Variants in RET observed in about 807,000 individuals in gnomAD.
RET encodes the protein ret proto-oncogene.
Under a neutral mutation model 118.3 loss-of-function variants are expected in RET, and 19 were observed. That is an observed-to-expected ratio of 0.16 (90% CI 0.11 to 0.24). The LOEUF is 0.24. RET is among the 10% of genes least tolerant of loss of function. RET has a pLI of 1.00. For synonymous variants in RET, 597 were observed against 644.1 expected, an observed-to-expected ratio of 0.93 and a Z score of 1.11; for missense variants, 1,219 against 1,502.1, an observed-to-expected ratio of 0.81 and a Z score of 3.12.
At chr10:43,112,338 G>C in intron 8 of RET, 114 bp downstream of exon 8, 1 of 1,465,388 alleles carries the variant, frequency 6.8e-7, no homozygotes, top group Non-Finnish European at 9.3e-7. Context: ...TCTGCTTCTG[G>C]CACCTCATCC....
rs780630024 is a variant in RET at position 43,111,237 on chromosome 10, G to A, written c.1294G>A (p.Ala432Thr). ...IGKVCVENCQ[A>T]FSGINVQYKL... ...GAAAGTCTGTGTGGAAAACTGCCAG[G>A]CATTCAGTGGCATCAACGTCCAGTA... Residue 432 changes from alanine (A) to threonine (T), a missense_variant, in exon 7 of 20, where the codon GCA becomes ACA. This residue lies in a region of RET where 850 missense variants were observed against 969.6 expected (regional missense o/e 0.88). Transcript: ENST00000355710. The A allele has an allele frequency of 2.9e-5, 47 of 1,614,112 alleles. No homozygotes were observed. The highest frequency in any genetic ancestry group is 4.0e-5 in the Non-Finnish European group (47 of 1,180,026).
chr10:43,118,344 T>C, intron 12 of RET, 29 bp from the exon 13 acceptor site: 1 of 1,588,560 alleles, frequency 6.3e-7, no homozygotes, highest in Non-Finnish European at 8.6e-7. Context: ...GGAGCGATCG[T>C]TTGCAACCTG....
chr10:43,086,094 C>T (rs1023440165), intron 1 of RET, among the ~76,000 whole-genome samples: 4 of 152,240 alleles, frequency 2.6e-5, no homozygotes, highest in Non-Finnish European at 5.9e-5. Flanking sequence ...GGCTTCTCTG[C>T]ATGCCTGTCA....
Position 43,126,578 on chromosome 10 carries a change from T to C in RET, c.3043T>C (p.Tyr1015His), listed in dbSNP as rs1405858449. ...LEKMMVKRRD[Y>H]LDLAASTPSD... ...ACCGGCCATCTCTGTCTTCCAGGAC[T>C]ACTTGGACCTTGCGGCGTCCACTCC... Residue 1015 changes from tyrosine (Y) to histidine (H), a missense_variant, in exon 19 of 20, where the codon TAC becomes CAC. By Grantham distance (83) the Tyr-to-His change is moderately conservative (BLOSUM62 2). This residue lies in a region of RET where 174 missense variants were observed against 179.3 expected (regional missense o/e 0.97). Coordinates refer to ENST00000355710, the MANE Select transcript of RET (RefSeq NM_020975.6). 1.2e-6 allele frequency: 2 copies of C among 1,613,824 alleles called. No homozygotes were observed. The highest frequency in any genetic ancestry group is 8.5e-7 in the Non-Finnish European group (1 of 1,179,970).
intron 13 of RET, among the ~76,000 whole-genome samples, chr10:43,118,832 C>A (rs1489857677): frequency 5.3e-5 from 8 of 152,186 alleles, no homozygotes; most frequent in Non-Finnish European, 1.2e-4. Flanking sequence ...TACTAGGGTA[C>A]CCTGGGTACC....
At chr10:43,115,934 G>A (rs1248247532) in intron 11 of RET, among the ~76,000 whole-genome samples, 2 of 152,238 alleles carry the variant, frequency 1.3e-5, no homozygotes, top group East Asian at 3.8e-4. Context: ...GAGACCTGGG[G>A]TGACGGATGC....
At chr10:43,127,077 A>G in intron 19 of RET, 1 of 1,205,186 alleles carries the variant, frequency 8.3e-7, no homozygotes, top group Non-Finnish European at 1.0e-6. Flanking sequence ...AACTAAGTGG[A>G]TAAATATACA....
chr10:43,110,976 CA>C (rs903883859), intron 6 of RET, among the ~76,000 whole-genome samples: 2 of 152,078 alleles, frequency 1.3e-5, no homozygotes, highest in African/African-American at 4.8e-5. Context: ...CTCCCAGGAA[CA>C]GGGGCAGCTG....
intron 19 of RET, 94 bp downstream of exon 19, chr10:43,126,816 C>A: frequency 1.9e-6 from 3 of 1,541,918 alleles, no homozygotes; most frequent in Non-Finnish European, 1.8e-6. Context: ...TGTTTCTGGT[C>A]TGAACAAAAC....
chr10:43,123,913 G>C, intron 17 of RET, 105 bp downstream of exon 17: 2 of 1,409,500 alleles, frequency 1.4e-6, no homozygotes, highest in Non-Finnish European at 9.7e-7. Context: ...CAGGAGAAGT[G>C]GGGGGTGGGG....
chr10:43,125,589 G>T (rs965235877), intron 18 of RET, among the ~76,000 whole-genome samples: 5 of 152,166 alleles, frequency 3.3e-5, no homozygotes, highest in African/African-American at 1.2e-4. Context: ...GAGTCAGCCT[G>T]TGTGCCTGGA....
In RET at chr10:43,116,685, G is replaced by T. The variant is rs1397237755; in HGVS notation, c.2238G>T (p.Leu746=). 1 of 1,613,688 alleles carries T rather than the reference G, an allele frequency of 6.2e-7. No homozygotes were observed. The highest frequency in any genetic ancestry group is 1.7e-5 in the Admixed American group (1 of 59,992). Residue 746 remains leucine, a synonymous_variant, in exon 12 of 20, where the codon CTG becomes CTT. Transcript: ENST00000355710. ...GKVVKATAFH[L]KGRAGYTTVA... ...TGGTCAAGGCAACGGCCTTCCATCT[G>T]AAAGGCAGAGCAGGGTACACCACGG...
intron 6 of RET, among the ~76,000 whole-genome samples, chr10:43,109,956 A>G (rs1837877969): frequency 6.6e-6 from 1 of 152,334 alleles, no homozygotes; most frequent in East Asian, 1.9e-4. Context: ...TCTCCCTTGC[A>G]GAGCAGCCCG....
Position 43,077,072 on chromosome 10 carries a change from C to G in RET, c.-187C>G. Reference sequence around the variant, plus strand: ...CAGCCGGCGCTTACCTCGCTTCAGTCCCGCGACCGAAGCAGGGCGCGCAGC... The same window carrying G: ...CAGCCGGCGCTTACCTCGCTTCAGTGCCGCGACCGAAGCAGGGCGCGCAGC... On this transcript the variant is annotated 5_prime_UTR_variant, in exon 1 of 20. Coordinates refer to ENST00000355710, the MANE Select transcript of RET (RefSeq NM_020975.6). 1.2e-6 allele frequency: 1 copy of G among 846,156 alleles called. No homozygotes were observed. The highest frequency in any genetic ancestry group is 1.5e-6 in the Non-Finnish European group (1 of 648,898). The allele number at this position is 846,156 out of a possible 1,614,324, so 52.4% of individuals were successfully genotyped here. A position where few individuals can be genotyped will look rare whatever the true frequency, so the allele number is the denominator to read the frequency against.
chr10:43,126,813 G>T, intron 19 of RET, 91 bp downstream of exon 19: 1 of 1,546,518 alleles, frequency 6.5e-7, no homozygotes, highest in Non-Finnish European at 8.8e-7. Flanking sequence ...AAATGTTTCT[G>T]GTCTGAACAA....
Position 43,119,704 on chromosome 10 carries a change from T to C in RET, c.2566T>C (p.Trp856Arg). 2 of 1,613,524 alleles carry C rather than the reference T, an allele frequency of 1.2e-6. No individual in the cohort carries two copies. The highest frequency in any genetic ancestry group is 1.7e-6 in the Non-Finnish European group (2 of 1,179,942). ...LTMGDLISFA[W>R]QISQGMQYLA... Reference sequence around the variant, plus strand: ...CATGGGCGACCTCATCTCATTTGCCTGGCAGATCTCACAGGGGATGCAGTA... The same window carrying C: ...CATGGGCGACCTCATCTCATTTGCCCGGCAGATCTCACAGGGGATGCAGTA... Residue 856 changes from tryptophan (W) to arginine (R), a missense_variant, in exon 14 of 20, where the codon TGG becomes CGG. Physicochemically the swap from Trp to Arg is moderately radical, Grantham distance 101. Transcript: ENST00000355710.
At chr10:43,097,856 C>T (rs911676387) in intron 1 of RET, among the ~76,000 whole-genome samples, 4 of 151,940 alleles carry the variant, frequency 2.6e-5, no homozygotes, top group African/African-American at 9.7e-5. Flanking sequence ...CTGCAGGCCC[C>T]GCCCTCCAGA....
intron 1 of RET, among the ~76,000 whole-genome samples, chr10:43,083,719 C>G (rs984123277): frequency 6.6e-6 from 1 of 152,216 alleles, no homozygotes; most frequent in Admixed American, 6.5e-5. Context: ...GGGCTCCTGG[C>G]GGGCCCAGCA....
chr10:43,126,539 C>T (rs2133031581), intron 18 of RET, 36 bp from the exon 19 acceptor site: 1 of 1,579,854 alleles, frequency 6.3e-7, no homozygotes, highest in Non-Finnish European at 8.7e-7. Context: ...AGTTGTGGCA[C>T]ATGGCTTGGA....
Sources: allele counts gnomAD v4.1 joint callset (sites outside exome capture counted in the v4.1 genomes callset), GRCh38; gene constraint gnomAD v4.1.1; regional missense constraint gnomAD v4.1.1; transcripts MANE v1.5; gene names NCBI Gene and HGNC (gene_info 2026-07-23, HGNC 2026-07-21).